SAMD12: variants seen among roughly 807,000 people sequenced by gnomAD.
SAMD12 encodes sterile alpha motif domain containing 12.
In SAMD12, 9 loss-of-function variants were observed where a neutral mutation model predicts 15.0. That is an observed-to-expected ratio of 0.60 (90% CI 0.36 to 1.05). The LOEUF (loss-of-function observed/expected upper bound fraction) is 1.05, where lower values mean the gene tolerates loss of function less well. SAMD12 is among the 50% of genes least tolerant of loss of function. SAMD12 has a pLI of 0.01. For missense variants in SAMD12, 230 were observed against 234.2 expected, an observed-to-expected ratio of 0.98 and a Z score of 0.12; for synonymous variants, 86 against 90.1, an observed-to-expected ratio of 0.96 and a Z score of 0.25.
chr8:118,483,346 G>A (rs1824183469), intron 2 of SAMD12, among the ~76,000 whole-genome samples: 1 of 152,132 alleles, frequency 6.6e-6, no homozygotes, highest in Admixed American at 6.5e-5. Context: ...ATACCACTTG[G>A]ATTTGTACAC....
intron 4 of SAMD12, among the ~76,000 whole-genome samples, chr8:118,315,019 G>A (rs974519774): frequency 7.2e-5 from 11 of 152,186 alleles, no homozygotes; most frequent in South Asian, 2.1e-4. Flanking sequence ...CTAACTTCAC[G>A]TACATATTTA....
intron 4 of SAMD12, among the ~76,000 whole-genome samples, chr8:118,367,908 C>A (rs1336969586): frequency 6.6e-6 from 1 of 152,108 alleles, no homozygotes; most frequent in Non-Finnish European, 1.5e-5. Context: ...CCATGTCAAG[C>A]CTTAAACAAA....
intron 4 of SAMD12, among the ~76,000 whole-genome samples, chr8:118,248,336 A>T (rs1449770530): frequency 6.6e-6 from 1 of 152,108 alleles, no homozygotes; most frequent in Non-Finnish European, 1.5e-5. Context: ...CACATTACAC[A>T]CGGAGTCCTG....
intron 4 of SAMD12, among the ~76,000 whole-genome samples, chr8:118,349,510 C>CA (rs987005774): frequency 6.6e-6 from 1 of 152,216 alleles, no homozygotes; most frequent in Non-Finnish European, 1.5e-5. Context: ...TAACTATTCT[C>CA]ACAGATATTT....
At chr8:118,339,164 T>C (rs937343340) in intron 4 of SAMD12, among the ~76,000 whole-genome samples, 2 of 151,946 alleles carry the variant, frequency 1.3e-5, no homozygotes, top group African/African-American at 4.8e-5. Flanking sequence ...ACCCTGTCTC[T>C]ACAGAAAATA....
At chr8:118,466,185 G>A (rs1261874051) in intron 2 of SAMD12, among the ~76,000 whole-genome samples, 1 of 152,160 alleles carries the variant, frequency 6.6e-6, no homozygotes, top group African/African-American at 2.4e-5. Context: ...GAAAAAGGAA[G>A]TCTCCAGGCA....
chr8:118,289,828 T>G (rs763102559), intron 4 of SAMD12, among the ~76,000 whole-genome samples: 5 of 152,246 alleles, frequency 3.3e-5, no homozygotes, highest in Non-Finnish European at 7.3e-5. Flanking sequence ...TCCCCAACTG[T>G]GCATTTGAGT....
At chr8:118,439,718 C>A (rs1158008536) in intron 3 of SAMD12, 114 bp downstream of exon 3, 4 of 1,008,650 alleles carry the variant, frequency 4.0e-6, no homozygotes, top group South Asian at 1.5e-5. Context: ...GGAAGTAAAC[C>A]CATGCCAGAA....
intron 4 of SAMD12, among the ~76,000 whole-genome samples, chr8:118,318,836 A>T (rs890894162): frequency 8.5e-5 from 13 of 152,102 alleles, no homozygotes; most frequent in African/African-American, 3.1e-4. Flanking sequence ...TGTCTTTAGG[A>T]GCTTGAGGGA....
chr8:118,518,988 T>C (rs1020238090), intron 2 of SAMD12, among the ~76,000 whole-genome samples: 2 of 152,148 alleles, frequency 1.3e-5, no homozygotes, highest in South Asian at 2.1e-4. Context: ...CTTTGCATGA[T>C]AGGGCTAGAT....
At chr8:118,492,556 GCT>G (rs1329195944) in intron 2 of SAMD12, among the ~76,000 whole-genome samples, 1 of 152,108 alleles carries the variant, frequency 6.6e-6, no homozygotes, top group Non-Finnish European at 1.5e-5. Flanking sequence ...TTGCTGCCAT[GCT>G]CTCTCTGCTG....
At chr8:118,235,774 A>G (rs1812416539) in intron 4 of SAMD12, among the ~76,000 whole-genome samples, 2 of 152,192 alleles carry the variant, frequency 1.3e-5, no homozygotes, top group South Asian at 4.1e-4. Flanking sequence ...CCTGGGAAAC[A>G]GGCAAATAAA....
intron 4 of SAMD12, among the ~76,000 whole-genome samples, chr8:118,242,903 C>T (rs1453162340): frequency 2.0e-5 from 3 of 152,132 alleles, no homozygotes; most frequent in Non-Finnish European, 4.4e-5. Flanking sequence ...CTGGATAATG[C>T]CATGCACTCT....
At chr8:118,587,986 A>G (rs1827493976) in intron 1 of SAMD12, among the ~76,000 whole-genome samples, 2 of 152,220 alleles carry the variant, frequency 1.3e-5, no homozygotes, top group African/African-American at 2.4e-5. Context: ...TGACTTAGAA[A>G]GCTGAATAAG....
At chr8:118,235,064 C>T (rs916024929) in intron 4 of SAMD12, among the ~76,000 whole-genome samples, 3 of 152,072 alleles carry the variant, frequency 2.0e-5, no homozygotes, top group Admixed American at 1.3e-4. Context: ...TCCAAATAAA[C>T]TGTCAATTCT....
At chr8:118,408,020 A>C (rs4876823) in intron 3 of SAMD12, among the ~76,000 whole-genome samples, 52,208 of 151,894 alleles carry the variant, frequency 0.34, 9,629 homozygotes, top group African/African-American at 0.41. Flanking sequence ...CTCCTATGTG[A>C]CCAGCTGTTC....
the SAMD12 span, among the ~76,000 whole-genome samples, chr8:118,154,144 G>A: frequency 6.7e-6 from 1 of 149,824 alleles, no homozygotes; most frequent in East Asian, 2.0e-4. Flanking sequence ...ACACACAAGT[G>A]CACACACACA....
intron 2 of SAMD12, among the ~76,000 whole-genome samples, chr8:118,515,535 C>A (rs1220268432): frequency 6.6e-6 from 1 of 152,028 alleles, no homozygotes; most frequent in Admixed American, 6.6e-5. Context: ...TTGCTTACAT[C>A]AGATCAGAGT....
intron 4 of SAMD12, among the ~76,000 whole-genome samples, chr8:118,316,156 C>T (rs1006507982): frequency 3.9e-5 from 6 of 152,016 alleles, no homozygotes; most frequent in Admixed American, 6.6e-5. Context: ...AGAAGGTAGA[C>T]GACTACCAGA....
Sources: allele counts gnomAD v4.1 joint callset (sites outside exome capture counted in the v4.1 genomes callset), GRCh38; gene constraint gnomAD v4.1.1; transcripts MANE v1.5; gene names NCBI Gene and HGNC (gene_info 2026-07-23, HGNC 2026-07-21).